The following WDSUB1 variants were observed in gnomAD, a reference collection of about 807,000 sequenced individuals.
WDSUB1 encodes WD repeat, SAM and U-box domain-containing protein 1.
WDSUB1 carries 49 observed loss-of-function variants against 53.9 expected under a neutral mutation model. The ratio of observed to expected loss-of-function variants is 0.91; its 90% CI spans 0.72 to 1.15. The LOEUF (loss-of-function observed/expected upper bound fraction) is 1.15. WDSUB1 is among the 50% of genes most tolerant of loss of function. The probability of loss-of-function intolerance (pLI) is 0.00; values close to 1 mark genes in which losing one functional copy is unlikely to be tolerated. For missense variants in WDSUB1, 514 were observed against 562.0 expected, an observed-to-expected ratio of 0.91 and a Z score of 0.86; for synonymous variants, 194 against 200.6, an observed-to-expected ratio of 0.97 and a Z score of 0.28.
At chr2:159,259,378 T>G (rs2061142164) in intron 6 of WDSUB1, among the ~76,000 whole-genome samples, 1 of 152,130 alleles carries the variant, frequency 6.6e-6, no homozygotes. Context: ...ATTTTCCAAG[T>G]CCATGATAAC....
At chr2:159,240,255 TACG>T (rs2060609047) in intron 10 of WDSUB1, among the ~76,000 whole-genome samples, 1 of 152,234 alleles carries the variant, frequency 6.6e-6, no homozygotes, top group African/African-American at 2.4e-5. Flanking sequence ...TGTATGGCTA[TACG>T]ACATTTCATG....
chr2:159,269,000 A>G (rs1015216364), intron 5 of WDSUB1, among the ~76,000 whole-genome samples: 6 of 152,182 alleles, frequency 3.9e-5, no homozygotes, highest in African/African-American at 1.2e-4. Context: ...ACAAACAAAC[A>G]AAACAGAAGC....
At chr2:159,245,456 C>T (rs1221354583) in intron 10 of WDSUB1, among the ~76,000 whole-genome samples, 4 of 151,650 alleles carry the variant, frequency 2.6e-5, no homozygotes, top group Non-Finnish European at 4.4e-5. Context: ...TCACGTGAAC[C>T]CGGGAGGCGG....
intron 9 of WDSUB1, among the ~76,000 whole-genome samples, chr2:159,251,589 T>C (rs746475364): frequency 3.3e-5 from 5 of 152,150 alleles, no homozygotes; most frequent in Non-Finnish European, 7.3e-5. Flanking sequence ...CTTATACACT[T>C]AATTGCTGAG....
chr2:159,279,630 T>C (rs1243372393), intron 3 of WDSUB1, 131 bp downstream of exon 3: 1 of 706,176 alleles, frequency 1.4e-6, no homozygotes, highest in African/African-American at 1.8e-5. Flanking sequence ...ATAATCCCTT[T>C]ACAGGAATAA....
At position 159,272,324 on chromosome 2, in the gene WDSUB1, GC is replaced by G. The variant is rs1250961290; in HGVS notation, c.677-530del. On this transcript the variant is annotated intron_variant, in intron 4 of 10. Coordinates refer to ENST00000359774, the MANE Select transcript of WDSUB1 (RefSeq NM_001128212.3). ...GTTATCTCAGGTAAGAAAAGGCAAG[GC>G]TGGGCTCATTTATCTTTTAAGGAAT... is the stretch of plus-strand genomic sequence containing the variant. Among the ~76,000 whole-genome samples, 26 of 152,162 alleles carry G rather than the reference GC, an allele frequency of 1.7e-4. 1 individual carries two copies. Among genetic ancestry groups the G allele is most frequent in the Admixed American group, 1.7e-3 (26 of 15,276 alleles).
At chr2:159,244,754 C>G (rs1402817552) in intron 10 of WDSUB1, among the ~76,000 whole-genome samples, 1 of 152,024 alleles carries the variant, frequency 6.6e-6, no homozygotes, top group Non-Finnish European at 1.5e-5. Flanking sequence ...GAGACCCCAT[C>G]TCTACAAAAA....
At chr2:159,242,278 C>T (rs896771564) in intron 10 of WDSUB1, among the ~76,000 whole-genome samples, 2 of 145,812 alleles carry the variant, frequency 1.4e-5, no homozygotes, top group Non-Finnish European at 3.0e-5. Context: ...AGGATGGTCT[C>T]GCTCTCCTGA....
intron 2 of WDSUB1, 43 bp from the exon 3 acceptor site, chr2:159,279,988 T>C: frequency 6.5e-7 from 1 of 1,546,072 alleles, no homozygotes; most frequent in South Asian, 1.2e-5. Context: ...CAGAGTATCC[T>C]TTACTTTATA....
intron 6 of WDSUB1, 47 bp downstream of exon 6, chr2:159,259,763 A>G (rs780512400): frequency 6.7e-7 from 1 of 1,485,562 alleles, no homozygotes; most frequent in Non-Finnish European, 9.1e-7. Context: ...TCAGTAGTCT[A>G]ATAAACATAA....
intron 5 of WDSUB1, among the ~76,000 whole-genome samples, chr2:159,261,225 G>A (rs534663487): frequency 1.3e-5 from 2 of 152,226 alleles, no homozygotes; most frequent in Admixed American, 1.3e-4. Flanking sequence ...ATTGTATTAG[G>A]TATTATAAGT....
At chr2:159,265,284 G>T (rs1470262440) in intron 5 of WDSUB1, among the ~76,000 whole-genome samples, 3 of 72,288 alleles carry the variant, frequency 4.2e-5, no homozygotes, top group Non-Finnish European at 8.1e-5. Flanking sequence ...TCTAAAGCAA[G>T]CACACACACC....
At chr2:159,256,983 C>T (rs556715689) in intron 8 of WDSUB1, among the ~76,000 whole-genome samples, 1 of 152,280 alleles carries the variant, frequency 6.6e-6, no homozygotes, top group Admixed American at 6.5e-5. Flanking sequence ...GCCACTTCAA[C>T]ACTGGCTTCT....
chr2:159,261,153 G>GA (rs1279632175), intron 5 of WDSUB1, among the ~76,000 whole-genome samples: 1 of 151,554 alleles, frequency 6.6e-6, no homozygotes, highest in African/African-American at 2.4e-5. Context: ...ATTGAAATAG[G>GA]AAAAAAATAA....
intron 5 of WDSUB1, among the ~76,000 whole-genome samples, chr2:159,262,526 A>C (rs2061248333): frequency 6.6e-6 from 1 of 151,966 alleles, no homozygotes; most frequent in Non-Finnish European, 1.5e-5. Flanking sequence ...TGGAAAAAAA[A>C]ACAAAAAACG....
intron 5 of WDSUB1, among the ~76,000 whole-genome samples, chr2:159,261,637 A>G (rs2061190250): frequency 6.6e-6 from 1 of 151,908 alleles, no homozygotes; most frequent in South Asian, 2.1e-4. Context: ...GAGTGATGTC[A>G]GCAAGATGGC....
chr2:159,239,269 T>C (rs1352222821), intron 10 of WDSUB1, among the ~76,000 whole-genome samples: 1 of 136,310 alleles, frequency 7.3e-6, no homozygotes, highest in Non-Finnish European at 1.5e-5. Context: ...CTTCCCAAAG[T>C]GCTGGGTTTA....
intron 5 of WDSUB1, among the ~76,000 whole-genome samples, chr2:159,265,960 C>A (rs2061337993): frequency 6.6e-6 from 1 of 152,196 alleles, no homozygotes. Context: ...ATCCAGCTGT[C>A]TTCTGCTATG....
At chr2:159,264,647 G>A (rs1230254283) in intron 5 of WDSUB1, among the ~76,000 whole-genome samples, 1 of 152,146 alleles carries the variant, frequency 6.6e-6, no homozygotes, top group African/African-American at 2.4e-5. Flanking sequence ...AGCCCCTTCT[G>A]GATTTTCTCT....
Sources: gnomAD v4.1 joint callset for allele counts (sites outside exome capture counted in the v4.1 genomes callset) on GRCh38, gnomAD v4.1.1 for gene constraint, MANE v1.5 for transcripts, NCBI Gene and HGNC (gene_info 2026-07-23, HGNC 2026-07-21) for gene names.